ILDR1: variants seen among roughly 807,000 people sequenced by gnomAD.
The protein encoded by ILDR1 is immunoglobulin-like domain-containing receptor 1.
In ILDR1, 56 loss-of-function variants were observed where a neutral mutation model predicts 62.4. The observed-to-expected ratio is 0.90, with a 90% confidence interval of 0.72 to 1.12. The LOEUF is 1.12. ILDR1 is among the 50% of genes most tolerant of loss of function. The pLI, the probability that ILDR1 is intolerant of heterozygous loss-of-function variation, is 0.00. For missense variants in ILDR1, 736 were observed against 710.6 expected, an observed-to-expected ratio of 1.04 and a Z score of -0.41; for synonymous variants, 284 against 277.8, an observed-to-expected ratio of 1.02 and a Z score of -0.22.
At chr3:121,996,594 A>G (rs1015197288) in intron 5 of ILDR1, among the ~76,000 whole-genome samples, 1 of 152,236 alleles carries the variant, frequency 6.6e-6, no homozygotes, top group Non-Finnish European at 1.5e-5. Context: ...ATAAGGCAAC[A>G]AAGCTGCAAA....
intron 5 of ILDR1, among the ~76,000 whole-genome samples, chr3:122,000,239 ATTAAG>A (rs779225350): frequency 6.6e-6 from 1 of 151,830 alleles, no homozygotes; most frequent in Admixed American, 6.5e-5. Context: ...GCAGCCAAAA[ATTAAG>A]TTAAGGAGGA....
chr3:122,017,153 A>C (rs1259135477), intron 1 of ILDR1, among the ~76,000 whole-genome samples: 3 of 152,012 alleles, frequency 2.0e-5, no homozygotes, highest in Non-Finnish European at 4.4e-5. Context: ...GGTTCAATTG[A>C]TTCTCCTGCC....
the ILDR1 span, among the ~76,000 whole-genome samples, chr3:122,034,923 A>G: frequency 6.0e-4 from 91 of 152,320 alleles, no homozygotes; most frequent in Middle Eastern, 6.8e-3. Flanking sequence ...ACAGGATGGG[A>G]AAGACCTGCC....
At position 121,993,388 on chromosome 3, in the gene ILDR1, T is replaced by A. The variant is rs2071383596; in HGVS notation, c.1361A>T (p.Glu454Val). The change falls in exon 7 of 8, where the codon GAG becomes GTG. Residue 454 changes from glutamate to valine, a missense_variant. By Grantham distance (121) the Glu-to-Val change is moderately radical (BLOSUM62 -2). Transcript: ENST00000344209. ...QERPRRPSPR[E>V]STQRHGRRRR... ...TCGTCTCCCGTGCCTCTGAGTGCTC[T>A]CCCGGGGGCTGGGCCTGCGGGGCCT... 6.2e-7 allele frequency: 1 copy of A among 1,612,406 alleles called. No homozygotes were observed. Among genetic ancestry groups the A allele is most frequent in the African/African-American group, 1.3e-5 (1 of 74,878 alleles).
At chr3:122,055,492 G>T in the ILDR1 span, 1 of 1,613,934 alleles carries the variant, frequency 6.2e-7, no homozygotes, top group South Asian at 1.1e-5. Context: ...CAGCCAAAAT[G>T]GATCCCCAGT....
chr3:122,007,442 G>T, intron 1 of ILDR1: 1 of 504,590 alleles, frequency 2.0e-6, no homozygotes, highest in Non-Finnish European at 3.6e-6. Flanking sequence ...ACAATATAAG[G>T]ATTGTATCAA....
At chr3:122,037,181 G>A in the ILDR1 span, among the ~76,000 whole-genome samples, 2 of 152,218 alleles carry the variant, frequency 1.3e-5, no homozygotes, top group Non-Finnish European at 2.9e-5. Context: ...CCCACACAGA[G>A]TCCCCACTAG....
chr3:122,042,900 G>A, the ILDR1 span, among the ~76,000 whole-genome samples: 1 of 151,702 alleles, frequency 6.6e-6, no homozygotes. Context: ...CTTTTGCTGT[G>A]CAGAAGCTCT....
chr3:122,000,196 G>T (rs959598864), intron 5 of ILDR1, among the ~76,000 whole-genome samples: 3 of 150,912 alleles, frequency 2.0e-5, no homozygotes, highest in Non-Finnish European at 2.9e-5. Flanking sequence ...CTCAGGTCCT[G>T]CCCCAGACAG....
chr3:122,019,510 G>C (rs2071827067), intron 1 of ILDR1, among the ~76,000 whole-genome samples: 2 of 152,282 alleles, frequency 1.3e-5, no homozygotes, highest in South Asian at 4.1e-4. Context: ...GTTTGATCTT[G>C]ACAGACACTT....
chr3:122,037,639 T>C, the ILDR1 span, among the ~76,000 whole-genome samples: 614 of 152,234 alleles, frequency 4.0e-3, 5 homozygotes, highest in African/African-American at 0.013. Context: ...AGATGAAACA[T>C]TGGACTGTGG....
chr3:121,997,815 G>A (rs749652130), intron 5 of ILDR1, among the ~76,000 whole-genome samples: 2 of 152,156 alleles, frequency 1.3e-5, no homozygotes, highest in African/African-American at 2.4e-5. Flanking sequence ...GAAAAAATAC[G>A]TTTCCATTTC....
At chr3:122,018,190 C>T (rs2071803324) in intron 1 of ILDR1, among the ~76,000 whole-genome samples, 1 of 152,162 alleles carries the variant, frequency 6.6e-6, no homozygotes, top group South Asian at 2.1e-4. Context: ...GGCACATATA[C>T]ACCATGGAAT....
At position 122,001,845 on chromosome 3, in the gene ILDR1, A is replaced by C; in HGVS notation, c.399T>G (p.Asn133Lys). The change falls in exon 4 of 8, where the codon AAT (asparagine) becomes AAG (lysine). Residue 133 changes from asparagine to lysine, a missense_variant. By Grantham distance (94) the Asn-to-Lys change is moderately conservative. Transcript: ENST00000344209. ...TIQNRADLVI[N>K]EVMWWDHGVY... ...CTCCATGGTCCCACCACATCACTTC[A>C]TTTATCACGAGATCTGCTCCTACAC... The C allele has an allele frequency of 2.5e-6, 4 of 1,613,474 alleles. No homozygotes were observed. Among genetic ancestry groups the C allele is most frequent in the Non-Finnish European group, 3.4e-6 (4 of 1,179,990 alleles).
rs756215181 is a variant in ILDR1, at chr3:122,001,841, C to G, written c.403G>C (p.Val135Leu). 6.2e-7 allele frequency: 1 copy of G among 1,613,566 alleles called. No individual in the cohort carries two copies. Among genetic ancestry groups the G allele is most frequent in the Admixed American group, 1.7e-5 (1 of 60,024 alleles). Residue 135 changes from valine (V) to leucine (L), a missense_variant, in exon 4 of 8, where the codon GTG becomes CTG. By Grantham distance (32) the Val-to-Leu change is conservative. Transcript: ENST00000344209. ...QNRADLVINEVMWWDHGVYYC... is the reference protein window; with the variant it reads ...QNRADLVINELMWWDHGVYYC... The stretch of plus-strand genomic sequence containing the variant: ...TACACTCCATGGTCCCACCACATCA[C>G]TTCATTTATCACGAGATCTGCTCCT...
At chr3:121,994,441 T>A (rs867987164) in intron 5 of ILDR1, 128 bp from the exon 6 acceptor site, 3 of 1,136,732 alleles carry the variant, frequency 2.6e-6, no homozygotes, top group Admixed American at 2.9e-5. Context: ...CTATTTTGCA[T>A]GGGAGTAAGG....
chr3:122,008,532 A>C (rs2071648468), intron 1 of ILDR1, among the ~76,000 whole-genome samples: 3 of 151,656 alleles, frequency 2.0e-5, no homozygotes, highest in African/African-American at 7.3e-5. Flanking sequence ...GTTCCGTAGG[A>C]CTTGGGTGAG....
chr3:122,005,259 T>A lies in ILDR1; in HGVS notation c.364A>T (p.Ile122Phe). The A allele has an allele frequency of 1.2e-6, 2 of 1,611,044 alleles. No individual in the cohort carries two copies. Among genetic ancestry groups the A allele is most frequent in the Non-Finnish European group, 1.7e-6 (2 of 1,178,878 alleles). Reference sequence around the variant, plus strand: ...CCGCACTCACGGTTCTGGATGGTGATCTTGCGCTGCCGGTAATCTACCCCC... The same window carrying A: ...CCGCACTCACGGTTCTGGATGGTGAACTTGCGCTGCCGGTAATCTACCCCC... Reference protein sequence around the residue: ...VLGVDYRQRKITIQNRADLVI... With the variant: ...VLGVDYRQRKFTIQNRADLVI... Residue 122 changes from isoleucine to phenylalanine, a missense_variant, in exon 3 of 8, where the codon ATC becomes TTC. By Grantham distance (21) the Ile-to-Phe change is conservative. Transcript: ENST00000344209.
intron 1 of ILDR1, 158 bp from the exon 2 acceptor site, chr3:122,007,319 TGGGTG>T: frequency 6.5e-7 from 1 of 1,526,834 alleles, no homozygotes; most frequent in Non-Finnish European, 8.8e-7. Context: ...GGGCAGGCTA[TGGGTG>T]GGGTGGGGTG....
Sources: allele counts gnomAD v4.1 joint callset (sites outside exome capture counted in the v4.1 genomes callset), GRCh38; gene constraint gnomAD v4.1.1; transcripts MANE v1.5; gene names NCBI Gene and HGNC (gene_info 2026-07-23, HGNC 2026-07-21).